ZSWIM6: variants seen among roughly 807,000 people sequenced by gnomAD.
ZSWIM6 encodes the protein zinc finger SWIM-type containing 6.
A neutral mutation model predicts 113.2 loss-of-function variants in ZSWIM6; 9 were observed. That is an observed-to-expected ratio of 0.08 (90% CI 0.05 to 0.14). ZSWIM6 has a LOEUF of 0.14. Ranked by LOEUF, ZSWIM6 falls within the 10% of genes least tolerant of loss-of-function variation. ZSWIM6 has a pLI of 1.00. For missense variants in ZSWIM6, 1,162 were observed against 1,552.2 expected (o/e 0.75, Z 4.22); for synonymous variants, 611 against 606.5 (o/e 1.01, Z -0.11).
At chr5:61,333,405 C>A (rs1046751269) in intron 1 of ZSWIM6, among the ~76,000 whole-genome samples, 2 of 151,670 alleles carry the variant, frequency 1.3e-5, no homozygotes, top group Non-Finnish European at 2.9e-5. Flanking sequence ...GCTCGGCGCT[C>A]CCCCCCTCTC....
rs1176624677 is a variant in ZSWIM6, at chr5:61,436,383, A to T, written c.677-36298A>T. On this transcript the variant is annotated intron_variant, in intron 1 of 13. Transcript: ENST00000252744. ...ACTTTAACTTAGTTTTTCCTCCTGG[A>T]TGTGTTTTTTTAGTTTATTTCTTAA... Among the ~76,000 whole-genome samples, 4 of 151,992 alleles carry T rather than the reference A, an allele frequency of 2.6e-5. No individual in the cohort carries two copies. In the East Asian group the frequency reaches 7.7e-4, roughly 29 times the overall value.
At chr5:61,336,757 A>G (rs951310257) in intron 1 of ZSWIM6, among the ~76,000 whole-genome samples, 2 of 152,188 alleles carry the variant, frequency 1.3e-5, no homozygotes, top group African/African-American at 4.8e-5. Flanking sequence ...ACTCTGTCTC[A>G]AGAGGAAAAA....
intron 1 of ZSWIM6, among the ~76,000 whole-genome samples, chr5:61,355,638 T>C (rs1040517689): frequency 6.6e-6 from 1 of 152,206 alleles, no homozygotes; most frequent in Non-Finnish European, 1.5e-5. Flanking sequence ...ACCATTATGC[T>C]AAATATCAAT....
chr5:61,462,320 GT>G (rs1747337642), intron 1 of ZSWIM6, among the ~76,000 whole-genome samples: 1 of 152,188 alleles, frequency 6.6e-6, no homozygotes, highest in Non-Finnish European at 1.5e-5. Flanking sequence ...TAAAAGGGAT[GT>G]TTTATATTTT....
intron 1 of ZSWIM6, among the ~76,000 whole-genome samples, chr5:61,345,304 T>C (rs1744633737): frequency 6.6e-6 from 1 of 152,250 alleles, no homozygotes; most frequent in African/African-American, 2.4e-5. Flanking sequence ...CTGTTCATTT[T>C]TGTAGGGAGC....
Position 61,434,606 on chromosome 5 carries a change from G to A in ZSWIM6, c.677-38075G>A, listed in dbSNP as rs1292851267. Reference sequence around the variant, plus strand: ...GGTGTTGAGCTCCATCTAAGCTGCTGCAAATACCATTATTTCGTTTCTTTT... The same window carrying A: ...GGTGTTGAGCTCCATCTAAGCTGCTACAAATACCATTATTTCGTTTCTTTT... On this transcript the variant is annotated intron_variant, in intron 1 of 13. Transcript: ENST00000252744. Among the ~76,000 whole-genome samples, 7 of 152,202 alleles carry A rather than the reference G, an allele frequency of 4.6e-5. No individual in the cohort carries two copies. In the East Asian group the frequency reaches 1.4e-3, roughly 29 times the overall value.
At chr5:61,440,252 AG>A (rs1333288273) in intron 1 of ZSWIM6, among the ~76,000 whole-genome samples, 15 of 151,020 alleles carry the variant, frequency 9.9e-5, no homozygotes, top group African/African-American at 3.6e-4. Context: ...CTGATGTGGT[AG>A]GGTAATCTTG....
intron 4 of ZSWIM6, among the ~76,000 whole-genome samples, chr5:61,510,183 G>C (rs935720428): frequency 2.6e-5 from 4 of 151,528 alleles, no homozygotes; most frequent in African/African-American, 7.3e-5. Flanking sequence ...AACTTCTTCT[G>C]CTTGGAAACA....
At chr5:61,444,053 C>T (rs1276157596) in intron 1 of ZSWIM6, among the ~76,000 whole-genome samples, 3 of 150,614 alleles carry the variant, frequency 2.0e-5, no homozygotes, top group Admixed American at 6.6e-5. Flanking sequence ...CCCATTAACT[C>T]GTCATTTAGC....
chr5:61,351,653 T>G (rs1183143901), intron 1 of ZSWIM6, among the ~76,000 whole-genome samples: 1 of 152,208 alleles, frequency 6.6e-6, no homozygotes, highest in East Asian at 1.9e-4. Context: ...ATCCTTGCCT[T>G]GGAAAGTTGT....
chr5:61,456,890 C>CTTT (rs57188174), intron 1 of ZSWIM6, among the ~76,000 whole-genome samples: 21 of 142,788 alleles, frequency 1.5e-4, no homozygotes, highest in South Asian at 1.3e-3. Context: ...TATCCAATTT[C>CTTT]TTTTTTTTTT....
rs1439151169 is a variant in ZSWIM6 at position 61,541,951 on chromosome 5, G to A, written c.2771G>A (p.Cys924Tyr). Residue 924 changes from cysteine to tyrosine, a missense_variant, in exon 13 of 14, where the codon TGT (cysteine) becomes TAT (tyrosine). This residue lies in a region of ZSWIM6 where 620 missense variants were observed against 804.6 expected (regional missense o/e 0.77). Transcript: ENST00000252744. Reference protein sequence around the residue: ...RREMVRWLVTCATEVGVYALD... With the variant: ...RREMVRWLVTYATEVGVYALD... ...GAGATGGTGAGGTGGCTGGTAACGT[G>A]TGCTACTGAAGTCGGTAGGTAAACT... The A allele has an allele frequency of 6.4e-7, 1 of 1,550,680 alleles. No individual in the cohort carries two copies. Among genetic ancestry groups the A allele is most frequent in the Non-Finnish European group, 8.7e-7 (1 of 1,146,048 alleles).
intron 2 of ZSWIM6, among the ~76,000 whole-genome samples, chr5:61,484,260 A>G (rs559223220): frequency 6.6e-4 from 100 of 152,330 alleles, no homozygotes; most frequent in African/African-American, 2.2e-3. Context: ...TCTGGGGCAG[A>G]TCTCCTTGTG....
At chr5:61,372,159 A>G (rs1745279670) in intron 1 of ZSWIM6, among the ~76,000 whole-genome samples, 1 of 152,128 alleles carries the variant, frequency 6.6e-6, no homozygotes, top group Admixed American at 6.6e-5. Context: ...AAAAGAAATA[A>G]TCATTCGTTT....
intron 1 of ZSWIM6, among the ~76,000 whole-genome samples, chr5:61,356,754 A>G (rs28521128): frequency 7.3e-6 from 1 of 137,710 alleles, no homozygotes; most frequent in Non-Finnish European, 1.6e-5. Flanking sequence ...TATATATATT[A>G]TATATAATAT....
At chr5:61,448,182 T>G (rs942722410) in intron 1 of ZSWIM6, among the ~76,000 whole-genome samples, 4 of 152,194 alleles carry the variant, frequency 2.6e-5, no homozygotes, top group Admixed American at 2.6e-4. Flanking sequence ...CAGTTCTATG[T>G]GACAATTGGG....
chr5:61,352,144 C>T (rs1744798799), intron 1 of ZSWIM6, among the ~76,000 whole-genome samples: 1 of 152,178 alleles, frequency 6.6e-6, no homozygotes. Context: ...CCTGCCTTTG[C>T]CTATGTTCTT....
At chr5:61,517,782 T>A (rs1054643579) in intron 4 of ZSWIM6, among the ~76,000 whole-genome samples, 128 of 150,232 alleles carry the variant, frequency 8.5e-4, no homozygotes, top group African/African-American at 2.5e-3. Context: ...TATTTAATTA[T>A]TTATTTATTT....
At chr5:61,507,561 A>C (rs185505194) in intron 4 of ZSWIM6, among the ~76,000 whole-genome samples, 32 of 152,290 alleles carry the variant, frequency 2.1e-4, no homozygotes, top group African/African-American at 7.7e-4. Flanking sequence ...TTGAATCATA[A>C]ATTGAGCTTT....
Sources: gnomAD v4.1 joint callset for allele counts (sites outside exome capture counted in the v4.1 genomes callset) on GRCh38, gnomAD v4.1.1 for gene constraint, gnomAD v4.1.1 regional missense constraint, MANE v1.5 for transcripts, NCBI Gene and HGNC (gene_info 2026-07-23, HGNC 2026-07-21) for gene names.